CTSS: variants seen among roughly 807,000 people sequenced by gnomAD.
CTSS encodes cathepsin S.
CTSS carries 15 observed loss-of-function variants against 39.9 expected under a neutral mutation model. The observed-to-expected ratio is 0.38, with a 90% CI of 0.25 to 0.58. CTSS has a LOEUF of 0.58. Ranked by LOEUF, CTSS falls within the 20% of genes least tolerant of loss-of-function variation. The probability of loss-of-function intolerance (pLI) is 0.70; values close to 1 mark genes in which losing one functional copy is unlikely to be tolerated. For synonymous variants in CTSS, 126 were observed against 138.2 expected, an observed-to-expected ratio of 0.91 and a Z score of 0.62; for missense variants, 250 against 398.2, an observed-to-expected ratio of 0.63 and a Z score of 3.17.
intron 4 of CTSS, among the ~76,000 whole-genome samples, chr1:150,753,784 G>A (rs749014690): frequency 6.6e-6 from 1 of 151,754 alleles, no homozygotes; most frequent in African/African-American, 2.4e-5. Context: ...ACCCATCTCT[G>A]CTAAAAATAC....
rs760372700 is a variant in CTSS at position 150,733,097 on chromosome 1, A to G, written c.945T>C (p.Asn315=). ...GEEGYIRMAR[N]KGNHCGIASF... ...TAGCAATCCCACAATGATTTCCTTT[A>G]TTTCTTGCCATCCGAATATATCCTT... Residue 315 remains asparagine, a synonymous_variant, in exon 8 of 8, where the codon AAT becomes AAC. Transcript: ENST00000368985. 1 of 1,613,838 alleles carries G rather than the reference A, an allele frequency of 6.2e-7. No homozygotes were observed. Among genetic ancestry groups the G allele is most frequent in the Admixed American group, 1.7e-5 (1 of 59,990 alleles).
At chr1:150,747,648 G>T in intron 7 of CTSS, 129 bp downstream of exon 7, 1 of 662,564 alleles carries the variant, frequency 1.5e-6, no homozygotes, top group Non-Finnish European at 2.7e-6. Flanking sequence ...ATGTCACTTT[G>T]TAAGAAGCTA....
chr1:150,762,427 G>A (rs921783545), intron 2 of CTSS, among the ~76,000 whole-genome samples: 3 of 152,008 alleles, frequency 2.0e-5, no homozygotes, highest in East Asian at 3.8e-4. Flanking sequence ...ATAGACGAAC[G>A]GGACTCCATC....
intron 2 of CTSS, among the ~76,000 whole-genome samples, chr1:150,758,410 A>G (rs1653179461): frequency 6.6e-6 from 1 of 152,170 alleles, no homozygotes; most frequent in Non-Finnish European, 1.5e-5. Flanking sequence ...ATGCAAATAC[A>G]TAAATATATC....
intron 7 of CTSS, among the ~76,000 whole-genome samples, chr1:150,744,362 AT>A (rs1283888583): frequency 7.7e-5 from 1 of 12,986 alleles, no homozygotes; most frequent in African/African-American, 1.2e-4. Context: ...TACATAATAT[AT>A]TATATATTAT....
At chr1:150,754,978 A>C in intron 4 of CTSS, 23 bp downstream of exon 4, 1 of 1,607,784 alleles carries the variant, frequency 6.2e-7, no homozygotes. Flanking sequence ...TAGGGTTCAG[A>C]GGCTTGGGAT....
intron 7 of CTSS, among the ~76,000 whole-genome samples, chr1:150,742,910 T>C (rs969484149): frequency 2.0e-5 from 3 of 152,220 alleles, no homozygotes; most frequent in South Asian, 4.1e-4. Flanking sequence ...TTATTGAGTA[T>C]GAGAGTGTGT....
intron 7 of CTSS, among the ~76,000 whole-genome samples, chr1:150,746,426 G>A (rs1652895929): frequency 6.6e-6 from 1 of 152,236 alleles, no homozygotes; most frequent in East Asian, 1.9e-4. Context: ...GCCTTTAGGT[G>A]CCACCCACTT....
rs367638616 is a variant in CTSS, at chr1:150,755,269, A to T, written c.250-119T>A. 271 of 1,137,436 alleles carry T rather than the reference A, an allele frequency of 2.4e-4. No homozygotes were observed. The African/African-American group carries it at 3.6e-3, about 15-fold the overall frequency. 70.5% of individuals were successfully genotyped at this position (1,137,436 alleles called of 1,614,324 possible). On this transcript the variant is annotated intron_variant, in intron 3 of 7. Coordinates refer to ENST00000368985, the MANE Select transcript of CTSS (RefSeq NM_004079.5). ...ATAGTGTGTACTTACACAAACCTAG[A>T]GCGTATTGGCTCCTACATACCTAGG...
chr1:150,752,421 A>G (rs1034969041), intron 4 of CTSS, among the ~76,000 whole-genome samples: 8 of 152,192 alleles, frequency 5.3e-5, no homozygotes, highest in African/African-American at 1.7e-4. Context: ...TGCCTGAAAC[A>G]TAAGAAGTTT....
chr1:150,742,803 A>G (rs1361008917), intron 7 of CTSS, among the ~76,000 whole-genome samples: 4 of 152,200 alleles, frequency 2.6e-5, no homozygotes, highest in Non-Finnish European at 4.4e-5. Flanking sequence ...TGAAGATGGT[A>G]ATATATTACC....
Position 150,749,206 on chromosome 1 carries a change from A to G in CTSS, c.793+800T>C, listed in dbSNP as rs587620848. Among the ~76,000 whole-genome samples the G allele has an allele frequency of 3.3e-5, 5 of 152,342 alleles. No individual in the cohort carries two copies. The East Asian group carries it at 9.7e-4, about 29-fold the overall frequency. On this transcript the variant is annotated intron_variant, in intron 6 of 7. Coordinates refer to ENST00000368985, the MANE Select transcript of CTSS (RefSeq NM_004079.5). ...TAGATGTGATTAAGCTTAGCGGGAA[A>G]GGCATGTTGAAAGCCAAGACAGGCC...
intron 7 of CTSS, among the ~76,000 whole-genome samples, chr1:150,735,333 TTC>T (rs1652610506): frequency 1.3e-5 from 2 of 152,204 alleles, no homozygotes; most frequent in African/African-American, 2.4e-5. Context: ...TCCTATTTTT[TTC>T]TCTCTGTACC....
chr1:150,738,895 A>G (rs1437882650), intron 7 of CTSS, among the ~76,000 whole-genome samples: 1 of 152,078 alleles, frequency 6.6e-6, no homozygotes, highest in Non-Finnish European at 1.5e-5. Context: ...AATTAGGCCA[A>G]TTAATAACCT....
At chr1:150,756,144 C>G (rs1311603995) in intron 3 of CTSS, among the ~76,000 whole-genome samples, 2 of 152,052 alleles carry the variant, frequency 1.3e-5, no homozygotes, top group East Asian at 3.9e-4. Flanking sequence ...AATACAAACA[C>G]ACACACACAT....
chr1:150,757,712 C>G, intron 3 of CTSS, 146 bp downstream of exon 3: 1 of 650,524 alleles, frequency 1.5e-6, no homozygotes, highest in Non-Finnish European at 2.4e-6. Flanking sequence ...TGTACACGTT[C>G]TTACGTCCTT....
At chr1:150,757,179 C>G (rs1248171599) in intron 3 of CTSS, among the ~76,000 whole-genome samples, 1 of 152,184 alleles carries the variant, frequency 6.6e-6, no homozygotes, top group Non-Finnish European at 1.5e-5. Context: ...ACACTTGGCA[C>G]TAGCATCCCA....
chr1:150,755,183 A>C (rs375201733), intron 3 of CTSS, 33 bp from the exon 4 acceptor site: 17 of 1,606,224 alleles, frequency 1.1e-5, no homozygotes, highest in Non-Finnish European at 1.0e-5. Context: ...GGCATTGTTT[A>C]ATGACTGGAA....
At chr1:150,764,860 CAAAGG>C in intron 1 of CTSS, 96 bp from the exon 2 acceptor site, 1 of 1,410,898 alleles carries the variant, frequency 7.1e-7, no homozygotes, top group Non-Finnish European at 9.8e-7. Flanking sequence ...CAAAGTCTAT[CAAAGG>C]GACAGACTAT....
Sources: allele counts gnomAD v4.1 joint callset (sites outside exome capture counted in the v4.1 genomes callset), GRCh38; gene constraint gnomAD v4.1.1; transcripts MANE v1.5; gene names NCBI Gene and HGNC (gene_info 2026-07-23, HGNC 2026-07-21).